Variants in APCDD1L observed in about 807,000 individuals in gnomAD.
APCDD1L encodes APC down-regulated 1 like, also known as protein APCDD1-like.
Under a neutral mutation model 24.2 loss-of-function variants are expected in APCDD1L, and 21 were observed. The observed-to-expected ratio is 0.87, with a 90% confidence interval of 0.61 to 1.25. The LOEUF is 1.25. APCDD1L is among the 50% of genes most tolerant of loss of function. The pLI is 0.00. For synonymous variants in APCDD1L, 321 were observed against 323.6 expected (o/e 0.99, Z 0.09); for missense variants, 704 against 711.7 (o/e 0.99, Z 0.12).
In APCDD1L at chr20:58,494,218, A is replaced by G. The variant is rs1414122023; in HGVS notation, c.49+20441T>C. Among the ~76,000 whole-genome samples the G allele has an allele frequency of 6.6e-6, 1 of 152,158 alleles. No individual in the cohort carries two copies. The highest frequency in any genetic ancestry group is 1.5e-5 in the Non-Finnish European group (1 of 68,020). ...CAGAAGAAAATCTGGGGATAAGTGG[A>G]CCTGGGCAGGTGAAACTCATGTGGT... is the stretch of plus-strand genomic sequence containing the variant. On this transcript the variant is annotated intron_variant, in intron 1 of 3. Transcript: ENST00000371149. The surrounding 1 kb of genome is among the most constrained non-coding windows in gnomAD (Gnocchi z 4.8).
chr20:58,477,610 G>C (rs1989934838), intron 1 of APCDD1L, among the ~76,000 whole-genome samples: 1 of 152,166 alleles, frequency 6.6e-6, no homozygotes, highest in African/African-American at 2.4e-5. Flanking sequence ...TTTTCTCTCT[G>C]TGATTAATGA....
rs375976532 is a variant in APCDD1L at position 58,499,715 on chromosome 20, C to G, written c.49+14944G>C. On this transcript the variant is annotated intron_variant, in intron 1 of 3. Transcript: ENST00000371149. ...AATGCCCCTTCACACCCTGCTTCCA[C>G]CCCAGGACAATGGAACTGCACCCTC... 3.3e-5 allele frequency among the ~76,000 whole-genome samples: 5 copies of G among 152,354 alleles called. No homozygotes were observed. In the East Asian group the frequency reaches 5.8e-4, roughly 18 times the overall value.
At chr20:58,511,498 C>G (rs1461467281) in intron 1 of APCDD1L, among the ~76,000 whole-genome samples, 1 of 152,200 alleles carries the variant, frequency 6.6e-6, no homozygotes, top group Non-Finnish European at 1.5e-5. Flanking sequence ...GCTTTGCCAT[C>G]CAGATGGTTT....
intron 1 of APCDD1L, among the ~76,000 whole-genome samples, chr20:58,511,200 A>G (rs1239280521): frequency 6.6e-6 from 1 of 152,234 alleles, no homozygotes; most frequent in Non-Finnish European, 1.5e-5. Context: ...CCAGGGTGGG[A>G]ACCAGGTCTG....
rs564473177 is a variant in APCDD1L, at chr20:58,488,411, A to T, written c.50-17664T>A. On this transcript the variant is annotated intron_variant, in intron 1 of 3. Coordinates refer to ENST00000371149, the MANE Select transcript of APCDD1L (RefSeq NM_153360.3). Reference sequence around the variant, plus strand: ...ATATATATTACTGTGTCCAAAAATTAGAGTATGAACATTCTTTTCAAACAC... The same window carrying T: ...ATATATATTACTGTGTCCAAAAATTTGAGTATGAACATTCTTTTCAAACAC... Among the ~76,000 whole-genome samples, 12 of 152,316 alleles carry T rather than the reference A, an allele frequency of 7.9e-5. No individual in the cohort carries two copies. In the South Asian group the frequency reaches 2.5e-3, roughly 32 times the overall value.
chr20:58,488,734 G>A (rs1461340659), intron 1 of APCDD1L, among the ~76,000 whole-genome samples: 2 of 152,000 alleles, frequency 1.3e-5, no homozygotes, highest in African/African-American at 4.8e-5. Flanking sequence ...AATACTTCGA[G>A]GTAAACCTAT....
chr20:58,460,856 AC>A lies in APCDD1L; in HGVS notation c.1439del (p.Gly480ValfsTer4). 6.4e-7 allele frequency: 1 copy of A among 1,563,104 alleles called. No individual in the cohort carries two copies. The highest frequency in any genetic ancestry group is 1.4e-5 in the African/African-American group (1 of 73,378). ...GAAGTGGGAAGGGGGCTATGTGAAG[AC>A]CCCCTGTGCTGGGGTGCTTCTGCAG... ...PSLQKHPSTG[G>X]LHIAPFPLLP... On this transcript the variant is annotated frameshift_variant, in exon 4 of 4. Coordinates refer to ENST00000371149, the MANE Select transcript of APCDD1L (RefSeq NM_153360.3). LOFTEE classifies it low-confidence loss of function (END_TRUNC). The surrounding 1 kb of genome is among the most constrained non-coding windows in gnomAD (Gnocchi z 4.2).
chr20:58,463,014 T>G (rs1382602820), intron 3 of APCDD1L, among the ~76,000 whole-genome samples: 1 of 151,746 alleles, frequency 6.6e-6, no homozygotes, highest in African/African-American at 2.4e-5. Flanking sequence ...TGGTGGTATA[T>G]GCCTGTGATA....
In APCDD1L at chr20:58,508,946, G is replaced by A. The variant is rs1314452973; in HGVS notation, c.49+5713C>T. 6.6e-6 allele frequency among the ~76,000 whole-genome samples: 1 copy of A among 151,016 alleles called. No homozygotes were observed. Among genetic ancestry groups the A allele is most frequent in the Non-Finnish European group, 1.5e-5 (1 of 67,230 alleles). ...TGCATGAGTGTGCGTGAGTGTGTGT[G>A]AGTGTGCATGTGTGTCTGTGTGCGC... On this transcript the variant is annotated intron_variant, in intron 1 of 3. Coordinates refer to ENST00000371149, the MANE Select transcript of APCDD1L (RefSeq NM_153360.3). The surrounding 1 kb of genome is among the most constrained non-coding windows in gnomAD (Gnocchi z 4.0).
chr20:58,513,238 C>T (rs1990665041), intron 1 of APCDD1L, among the ~76,000 whole-genome samples: 1 of 152,170 alleles, frequency 6.6e-6, no homozygotes, highest in Non-Finnish European at 1.5e-5. Context: ...CAGAGGCGCG[C>T]TTCCACAGCT....
chr20:58,498,592 C>T (rs1230326942), intron 1 of APCDD1L, among the ~76,000 whole-genome samples: 2 of 152,190 alleles, frequency 1.3e-5, no homozygotes, highest in East Asian at 1.9e-4. Flanking sequence ...GTTGAGGGCC[C>T]GGCAGGGCAG....
chr20:58,486,636 A>G (rs1990122411), intron 1 of APCDD1L, among the ~76,000 whole-genome samples: 1 of 152,190 alleles, frequency 6.6e-6, no homozygotes. Context: ...GGGATTAAGA[A>G]AAATCCAAAG....
chr20:58,485,761 T>C (rs1162531395), intron 1 of APCDD1L, among the ~76,000 whole-genome samples: 1 of 152,240 alleles, frequency 6.6e-6, no homozygotes, highest in Non-Finnish European at 1.5e-5. Context: ...TCTGAGGGCC[T>C]TCCCCACTGT....
At chr20:58,479,805 G>A (rs1056805711) in intron 1 of APCDD1L, among the ~76,000 whole-genome samples, 2 of 152,134 alleles carry the variant, frequency 1.3e-5, no homozygotes, top group Admixed American at 6.5e-5. Context: ...TGCTGGCTGC[G>A]ATGGTGGCCC....
intron 1 of APCDD1L, among the ~76,000 whole-genome samples, chr20:58,512,762 G>A (rs529555807): frequency 5.9e-5 from 9 of 152,232 alleles, no homozygotes; most frequent in Admixed American, 2.0e-4. Context: ...TGTAGCCAGC[G>A]GTGAAAAGAG....
chr20:58,462,905 A>G (rs1194283209), intron 3 of APCDD1L, among the ~76,000 whole-genome samples: 3 of 151,390 alleles, frequency 2.0e-5, no homozygotes. Context: ...GCACTTTGAG[A>G]GGCCCAGGTG....
intron 1 of APCDD1L, among the ~76,000 whole-genome samples, chr20:58,484,617 T>G (rs900947679): frequency 6.6e-6 from 1 of 152,190 alleles, no homozygotes; most frequent in Non-Finnish European, 1.5e-5. Flanking sequence ...TGATTTTGTT[T>G]TTTAAGACTG....
chr20:58,468,949 T>A (rs1309676497), intron 2 of APCDD1L, among the ~76,000 whole-genome samples: 1 of 152,190 alleles, frequency 6.6e-6, no homozygotes, highest in African/African-American at 2.4e-5. Flanking sequence ...TTTCTTTTCT[T>A]CCATCTTTTT....
At position 58,503,174 on chromosome 20, in the gene APCDD1L, A is replaced by T. The variant is rs725400; in HGVS notation, c.49+11485T>A. Among the ~76,000 whole-genome samples the T allele has an allele frequency of 9.9e-3, 1,504 of 152,316 alleles. 22 individuals are homozygous for T. Among genetic ancestry groups the T allele is most frequent in the African/African-American group, 0.035 (1,441 of 41,554 alleles). ...ATCATGTAGGTTATGATCTTCTCAG[A>T]GATTTTGATGGTTACCTTGAAGTGA... On this transcript the variant is annotated intron_variant, in intron 1 of 3. Transcript: ENST00000371149.
Sources: gnomAD v4.1 joint callset for allele counts (sites outside exome capture counted in the v4.1 genomes callset) on GRCh38, gnomAD v4.1.1 for gene constraint, Gnocchi (gnomAD v3.1) non-coding constraint, MANE v1.5 for transcripts, NCBI Gene and HGNC (gene_info 2026-07-23, HGNC 2026-07-21) for gene names.